EFCAB6: variants seen among roughly 807,000 people sequenced by gnomAD.
EFCAB6 encodes EF-hand calcium-binding domain-containing protein 6.
A neutral mutation model predicts 169.8 loss-of-function variants in EFCAB6; 156 were observed. That is an observed-to-expected ratio of 0.92 (90% CI 0.81 to 1.05). EFCAB6 has a LOEUF of 1.05. EFCAB6 is among the 50% of genes least tolerant of loss of function. EFCAB6 has a pLI of 0.00. For missense variants in EFCAB6, 1,800 were observed against 1,829.1 expected (o/e 0.98, Z 0.29); for synonymous variants, 698 against 676.4 (o/e 1.03, Z -0.50).
At chr22:43,689,417 G>C (rs2147166750) in intron 10 of EFCAB6, among the ~76,000 whole-genome samples, 2 of 151,732 alleles carry the variant, frequency 1.3e-5, no homozygotes, top group Middle Eastern at 6.8e-3. Flanking sequence ...GCCACCTGGA[G>C]AAATGAACAG....
intron 2 of EFCAB6, among the ~76,000 whole-genome samples, chr22:43,791,717 C>T (rs2062297842): frequency 1.3e-5 from 2 of 151,878 alleles, no homozygotes; most frequent in Admixed American, 1.3e-4. Context: ...GGGGGAAAAC[C>T]TGTCTAAGTG....
At chr22:43,752,381 G>A (rs2060802358) in intron 6 of EFCAB6, among the ~76,000 whole-genome samples, 1 of 152,132 alleles carries the variant, frequency 6.6e-6, no homozygotes, top group Non-Finnish European at 1.5e-5. Flanking sequence ...GCCTCCCAAA[G>A]TGCTGGGATT....
chr22:43,667,400 G>A (rs1177619436), intron 16 of EFCAB6, 128 bp from the exon 17 acceptor site: 3 of 1,218,362 alleles, frequency 2.5e-6, no homozygotes, highest in Non-Finnish European at 3.4e-6. Context: ...TCACTAGCTG[G>A]GAAGGGTGGA....
intron 5 of EFCAB6, among the ~76,000 whole-genome samples, chr22:43,762,900 G>T (rs994106789): frequency 1.3e-5 from 2 of 152,162 alleles, no homozygotes; most frequent in African/African-American, 4.8e-5. Flanking sequence ...AGAATATGCA[G>T]CTTACAAGAC....
chr22:43,590,156 T>C lies in EFCAB6; in HGVS notation c.2950A>G (p.Ile984Val). Reference sequence around the variant, plus strand: ...ACTTCCTGCATCTTGCATATGGATATGTAGTTGGTTTTGGATTGATCAGTT... The same window carrying C: ...ACTTCCTGCATCTTGCATATGGATACGTAGTTGGTTTTGGATTGATCAGTT... Reference protein sequence around the residue: ...TKTDQSKTNYISICKMQEVLE... With the variant: ...TKTDQSKTNYVSICKMQEVLE... The change falls in exon 24 of 32, where the codon ATA becomes GTA. Residue 984 changes from isoleucine (I) to valine (V), a missense_variant. Coordinates refer to ENST00000262726, the MANE Select transcript of EFCAB6 (RefSeq NM_022785.4). 2 of 1,614,206 alleles carry C rather than the reference T, an allele frequency of 1.2e-6. No individual in the cohort carries two copies. Among genetic ancestry groups the C allele is most frequent in the Non-Finnish European group, 1.7e-6 (2 of 1,180,028 alleles).
At chr22:43,793,573 G>A (rs1469217510) in intron 2 of EFCAB6, among the ~76,000 whole-genome samples, 1 of 123,532 alleles carries the variant, frequency 8.1e-6, no homozygotes, top group African/African-American at 3.1e-5. Context: ...AACTCAGAAT[G>A]TTAAAGAAAA....
At chr22:43,721,834 C>A (rs1322230287) in intron 8 of EFCAB6, among the ~76,000 whole-genome samples, 2 of 152,038 alleles carry the variant, frequency 1.3e-5, no homozygotes, top group Non-Finnish European at 2.9e-5. Context: ...TCAGCCTTGG[C>A]AAAGAATGTT....
intron 17 of EFCAB6, among the ~76,000 whole-genome samples, 185 bp downstream of exon 17, chr22:43,666,919 T>A (rs935297354): frequency 6.6e-6 from 1 of 151,790 alleles, no homozygotes; most frequent in African/African-American, 2.4e-5. Flanking sequence ...ATTGAAAGTA[T>A]TCTCTAAGAA....
At chr22:43,758,074 A>T (rs938275472) in intron 5 of EFCAB6, among the ~76,000 whole-genome samples, 7 of 152,168 alleles carry the variant, frequency 4.6e-5, no homozygotes, top group Non-Finnish European at 8.8e-5. Context: ...TTTTGCCAGA[A>T]ATTAATGTAG....
At chr22:43,748,826 G>A (rs2060655729) in intron 6 of EFCAB6, among the ~76,000 whole-genome samples, 1 of 152,166 alleles carries the variant, frequency 6.6e-6, no homozygotes, top group Admixed American at 6.5e-5. Context: ...AGCTCTCTCG[G>A]GCAGAGCTCT....
At chr22:43,779,896 G>T (rs988019350) in intron 3 of EFCAB6, among the ~76,000 whole-genome samples, 1 of 152,108 alleles carries the variant, frequency 6.6e-6, no homozygotes, top group Non-Finnish European at 1.5e-5. Flanking sequence ...GCTCATACTA[G>T]TCACTAAAAA....
intron 20 of EFCAB6, among the ~76,000 whole-genome samples, chr22:43,618,443 C>T (rs1908374830): frequency 6.6e-6 from 1 of 152,104 alleles, no homozygotes; most frequent in African/African-American, 2.4e-5. Flanking sequence ...AGGCACACTT[C>T]ACCCTTTCTC....
chr22:43,610,705 A>G (rs545788764), intron 21 of EFCAB6, among the ~76,000 whole-genome samples: 2 of 152,222 alleles, frequency 1.3e-5, no homozygotes, highest in Non-Finnish European at 2.9e-5. Context: ...TGTATTTTAT[A>G]TACTTCATTG....
intron 17 of EFCAB6, among the ~76,000 whole-genome samples, chr22:43,663,754 C>T (rs543190454): frequency 1.3e-5 from 2 of 152,270 alleles, no homozygotes; most frequent in Admixed American, 6.5e-5. Context: ...GATTAGAGCC[C>T]GTATAAAAGA....
intron 2 of EFCAB6, among the ~76,000 whole-genome samples, chr22:43,799,326 T>C (rs1020195997): frequency 1.0e-5 from 1 of 96,480 alleles, no homozygotes; most frequent in African/African-American, 4.4e-5. Context: ...TGAGAATCTG[T>C]CTCCACACAC....
chr22:43,728,444 G>A (rs1031214671), intron 8 of EFCAB6, among the ~76,000 whole-genome samples: 1 of 152,172 alleles, frequency 6.6e-6, no homozygotes, highest in African/African-American at 2.4e-5. Context: ...GGATTGCTGG[G>A]TCAAATGGTA....
At chr22:43,554,628 T>G (rs770923220) in intron 27 of EFCAB6, 12 of 497,264 alleles carry the variant, frequency 2.4e-5, no homozygotes, top group East Asian at 1.4e-4. Context: ...CGAAGCGGAG[T>G]TGAATTTGAT....
intron 8 of EFCAB6, among the ~76,000 whole-genome samples, chr22:43,731,011 C>T (rs1046530895): frequency 5.3e-5 from 8 of 152,106 alleles, no homozygotes; most frequent in African/African-American, 1.9e-4. Flanking sequence ...TCCTAAAGCA[C>T]TAGACCACTG....
chr22:43,660,790 A>T (rs2056964585), intron 17 of EFCAB6, among the ~76,000 whole-genome samples: 1 of 152,140 alleles, frequency 6.6e-6, no homozygotes, highest in Admixed American at 6.5e-5. Context: ...GCATGCATGA[A>T]GATGTACCTG....
Sources: gnomAD v4.1 joint callset for allele counts (sites outside exome capture counted in the v4.1 genomes callset) on GRCh38, gnomAD v4.1.1 for gene constraint, MANE v1.5 for transcripts, NCBI Gene and HGNC (gene_info 2026-07-23, HGNC 2026-07-21) for gene names.